The following AKAP7 variants were observed in gnomAD, a reference collection of about 807,000 sequenced individuals.
The protein encoded by AKAP7 is A-kinase anchoring protein 7, also known as A kinase (PRKA) anchor protein 7.
A neutral mutation model predicts 39.5 loss-of-function variants in AKAP7; 39 were observed. The observed-to-expected ratio is 0.99, with a 90% CI of 0.76 to 1.29. The LOEUF is 1.29. Among genes scored for constraint, AKAP7 ranks in the 50% most tolerant of loss-of-function variants. AKAP7 has a pLI of 0.00. For synonymous variants in AKAP7, 140 were observed against 139.1 expected (o/e 1.01, Z -0.05); for missense variants, 414 against 407.7 (o/e 1.02, Z -0.13).
intron 2 of AKAP7, among the ~76,000 whole-genome samples, chr6:131,159,120 G>A: frequency 6.6e-6 from 1 of 151,680 alleles, no homozygotes; most frequent in Non-Finnish European, 1.5e-5. Context: ...TTGAGACGGA[G>A]TCTCCCTATG....
rs530665379 is a variant in AKAP7, at chr6:131,169,094, A to G, written c.429-19A>G. On this transcript the variant is annotated intron_variant, in intron 4 of 7. Transcript: ENST00000431975. ...TTATTACTTAATGTGTTACTGAAAA[A>G]TGTATTATTTCTTACTAGTGGTATT... The G allele has an allele frequency of 4.4e-4, 685 of 1,567,976 alleles. 13 individuals are homozygous for G. In the South Asian group the frequency reaches 7.3e-3, roughly 17 times the overall value.
intron 1 of AKAP7, among the ~76,000 whole-genome samples, chr6:131,142,979 C>T (rs970310512): frequency 2.0e-5 from 3 of 152,184 alleles, no homozygotes; most frequent in African/African-American, 7.2e-5. Flanking sequence ...AGCCTGTTGC[C>T]CCTTTCTTTT....
intron 3 of AKAP7, among the ~76,000 whole-genome samples, chr6:131,161,076 C>G (rs572816723): frequency 6.6e-6 from 1 of 152,230 alleles, no homozygotes; most frequent in African/African-American, 2.4e-5. Context: ...TGCCTTTCCC[C>G]TTGTTTAACT....
intron 6 of AKAP7, among the ~76,000 whole-genome samples, chr6:131,211,772 CAA>C (rs202168206): frequency 2.4e-5 from 2 of 83,950 alleles, no homozygotes; most frequent in Admixed American, 1.2e-4. Flanking sequence ...GACTCCGTCT[CAA>C]AAAAAAAAAA....
intron 1 of AKAP7, among the ~76,000 whole-genome samples, chr6:131,139,237 C>CT (rs1269769198): frequency 2.6e-5 from 4 of 152,290 alleles, no homozygotes; most frequent in African/African-American, 9.6e-5. Context: ...ACCAGCAGTT[C>CT]TTTCAAGACT....
intron 7 of AKAP7, among the ~76,000 whole-genome samples, chr6:131,273,226 AT>A (rs887201288): frequency 6.6e-6 from 1 of 151,774 alleles, no homozygotes; most frequent in African/African-American, 2.4e-5. Flanking sequence ...TTTGAAGTGG[AT>A]TTTTTTTGGT....
At chr6:131,215,254 A>G (rs537178934) in intron 6 of AKAP7, among the ~76,000 whole-genome samples, 1 of 152,260 alleles carries the variant, frequency 6.6e-6, no homozygotes, top group Non-Finnish European at 1.5e-5. Context: ...GACAGCAAAC[A>G]GGCACATTCG....
intron 5 of AKAP7, among the ~76,000 whole-genome samples, chr6:131,175,642 A>G (rs759734094): frequency 6.6e-6 from 1 of 152,172 alleles, no homozygotes; most frequent in Non-Finnish European, 1.5e-5. Context: ...ATAATATTTT[A>G]AGCTAAAGGA....
intron 5 of AKAP7, among the ~76,000 whole-genome samples, chr6:131,195,201 G>T (rs1424009275): frequency 6.6e-6 from 1 of 151,642 alleles, no homozygotes; most frequent in South Asian, 2.1e-4. Flanking sequence ...TGTATCAATT[G>T]TATATTTTTT....
chr6:131,187,504 C>CT (rs1326901912), intron 5 of AKAP7, among the ~76,000 whole-genome samples: 1 of 151,780 alleles, frequency 6.6e-6, no homozygotes, highest in East Asian at 1.9e-4. Flanking sequence ...AAATAAAGGC[C>CT]TTTTTTCTCC....
chr6:131,268,184 A>C (rs1813968386), intron 7 of AKAP7, among the ~76,000 whole-genome samples: 1 of 152,178 alleles, frequency 6.6e-6, no homozygotes, highest in African/African-American at 2.4e-5. Context: ...TTCTCACATA[A>C]TATTTCTCTC....
intron 5 of AKAP7, among the ~76,000 whole-genome samples, chr6:131,174,689 G>A (rs1156835240): frequency 2.0e-5 from 3 of 152,178 alleles, no homozygotes; most frequent in African/African-American, 7.2e-5. Context: ...TAAGCTGTTT[G>A]TTCAAATGAT....
chr6:131,138,284 A>G (rs1002322642), intron 1 of AKAP7, among the ~76,000 whole-genome samples: 2 of 152,182 alleles, frequency 1.3e-5, no homozygotes, highest in African/African-American at 4.8e-5. Flanking sequence ...CATGTTGCAA[A>G]TGACAGGATC....
intron 7 of AKAP7, among the ~76,000 whole-genome samples, chr6:131,249,077 C>A (rs1418174524): frequency 2.0e-5 from 3 of 152,116 alleles, no homozygotes. Context: ...AATTTAAAGA[C>A]ATGTAATTCT....
At chr6:131,240,616 C>G (rs1340133502) in intron 7 of AKAP7, among the ~76,000 whole-genome samples, 2 of 152,224 alleles carry the variant, frequency 1.3e-5, no homozygotes, top group Admixed American at 1.3e-4. Context: ...GCGGGTGCCC[C>G]TTCCCCAGCC....
At chr6:131,135,804 G>A (rs1800482592) in intron 1 of AKAP7, 22 bp downstream of exon 1, 4 of 1,227,234 alleles carry the variant, frequency 3.3e-6, no homozygotes, top group African/African-American at 3.1e-5. Flanking sequence ...CTGTCCAGCG[G>A]GCCGGGGCGG....
At chr6:131,191,963 A>G (rs1376791619) in intron 5 of AKAP7, among the ~76,000 whole-genome samples, 1 of 151,174 alleles carries the variant, frequency 6.6e-6, no homozygotes, top group Non-Finnish European at 1.5e-5. Context: ...TTTTGTAGAG[A>G]CGGGGTCTAT....
rs10484764 is a variant in AKAP7, at chr6:131,265,962, C to A, written c.851-15568C>A. ...GTCACAACTAAGTAAAGAAATAATA[C>A]GTGTTGGAAAATACAAGTGTGCAGA... On this transcript the variant is annotated intron_variant, in intron 7 of 7. Coordinates refer to ENST00000431975, the MANE Select transcript of AKAP7 (RefSeq NM_016377.4). Among the ~76,000 whole-genome samples, 2,175 of 152,202 alleles carry A rather than the reference C, an allele frequency of 0.014. 144 individuals carry two copies. In the East Asian group the frequency reaches 0.18, roughly 12 times the overall value.
Position 131,135,627 on chromosome 6 carries a change from C to G in AKAP7, c.-137C>G, listed in dbSNP as rs1800467002. ...GCCCCCGCAGCCTGTCGCTGGACCC[C>G]GCGCCGGCCCAGCGCACCGCCCTCA... On this transcript the variant is annotated 5_prime_UTR_variant, in exon 1 of 8. Transcript: ENST00000431975. The G allele has an allele frequency of 2.8e-5, 22 of 781,604 alleles. No individual in the cohort carries two copies. The highest frequency in any genetic ancestry group is 2.8e-4 in the South Asian group (5 of 18,052). 48.4% of individuals were successfully genotyped at this position (781,604 alleles called of 1,614,324 possible). A position where few individuals can be genotyped will look rare whatever the true frequency, so the allele number is the denominator to read the frequency against.
Sources: gnomAD v4.1 joint callset for allele counts (sites outside exome capture counted in the v4.1 genomes callset) on GRCh38, gnomAD v4.1.1 for gene constraint, MANE v1.5 for transcripts, NCBI Gene and HGNC (gene_info 2026-07-23, HGNC 2026-07-21) for gene names.